Variants in SALL3 observed in about 807,000 individuals in gnomAD.
The protein encoded by SALL3 is sal-like protein 3.
SALL3 carries 25 observed loss-of-function variants against 66.2 expected under a neutral mutation model. That is an observed-to-expected ratio of 0.38 (90% CI 0.28 to 0.53). The LOEUF (loss-of-function observed/expected upper bound fraction) is 0.53, where lower values mean the gene tolerates loss of function less well. SALL3 is among the 20% of genes least tolerant of loss of function. The pLI is 0.85. For synonymous variants in SALL3, 1,152 were observed against 899.1 expected (o/e 1.28, Z -5.03); for missense variants, 2,194 against 1,916.5 (o/e 1.14, Z -2.70).
At chr18:78,991,523 A>G (rs908357160) in intron 1 of SALL3, among the ~76,000 whole-genome samples, 2 of 152,230 alleles carry the variant, frequency 1.3e-5, no homozygotes, top group African/African-American at 4.8e-5. Context: ...GTAAATGCCC[A>G]TTGGCTCAGA....
At position 78,993,553 on chromosome 18, in the gene SALL3, C is replaced by T. The variant is rs775930863; in HGVS notation, c.1562C>T (p.Thr521Ile). The change falls in exon 2 of 3, where the codon ACC becomes ATC. Residue 521 changes from threonine to isoleucine, a missense_variant. Coordinates refer to ENST00000537592, the MANE Select transcript of SALL3 (RefSeq NM_171999.4). Reference protein sequence around the residue: ...TWLDSKPVLPTVPTSVGLQLP... With the variant: ...TWLDSKPVLPIVPTSVGLQLP... ...CTGGACAGCAAGCCCGTGCTGCCCA[C>T]CGTGCCCACGTCCGTGGGGCTGCAA... 2.5e-6 allele frequency: 4 copies of T among 1,592,510 alleles called. No individual in the cohort carries two copies. The South Asian group carries it at 4.5e-5, about 18-fold the overall frequency.
At chr18:78,986,788 A>G (rs1484217295) in intron 1 of SALL3, among the ~76,000 whole-genome samples, 2 of 152,346 alleles carry the variant, frequency 1.3e-5, no homozygotes, top group East Asian at 3.9e-4. Context: ...AGTAAAAAAC[A>G]TGCAGCAAAA....
At position 78,994,575 on chromosome 18, in the gene SALL3, C is replaced by T. The variant is rs762430124; in HGVS notation, c.2584C>T (p.Leu862Phe). The T allele has an allele frequency of 4.3e-6, 7 of 1,611,846 alleles. No homozygotes were observed. In the Middle Eastern group the frequency reaches 4.9e-4, roughly 114 times the overall value. Residue 862 changes from leucine to phenylalanine, a missense_variant, in exon 2 of 3, where the codon CTC becomes TTC. Coordinates refer to ENST00000537592, the MANE Select transcript of SALL3 (RefSeq NM_171999.4). ...CATGAGCTGCCAGCAGCTGACCGGC[C>T]TCAAGTCCGTGGAGAACGGGTCCGG... is the stretch of plus-strand genomic sequence containing the variant. ...SVMSCQQLTGLKSVENGSGES... is the reference protein window; with the variant it reads ...SVMSCQQLTGFKSVENGSGES...
In SALL3 at chr18:78,991,390, G is replaced by GA. The variant is rs1018145388; in HGVS notation, c.83-684_83-683insA. 3.8e-3 allele frequency among the ~76,000 whole-genome samples: 391 copies of GA among 103,470 alleles called. 3 individuals are homozygous for GA. The highest frequency in any genetic ancestry group is 0.013 in the African/African-American group (379 of 29,782). The allele number at this position is 103,470 out of a possible 152,430, so 67.9% of individuals were successfully genotyped here. On this transcript the variant is annotated intron_variant, in intron 1 of 2. Coordinates refer to ENST00000537592, the MANE Select transcript of SALL3 (RefSeq NM_171999.4). ...TGGAAGAAAGTACAAGGGTGGGGGG[G>GA]GGGGAACTGCTCTGTCGCTCTGAGT...
intron 1 of SALL3, among the ~76,000 whole-genome samples, chr18:78,987,560 T>C (rs772636455): frequency 1.3e-5 from 2 of 152,158 alleles, no homozygotes; most frequent in African/African-American, 4.8e-5. Context: ...ACAGCAGATA[T>C]TGGGATCACT....
chr18:78,994,940 C>T lies in SALL3; in HGVS notation c.2949C>T (p.Gly983=), dbSNP rs2146219626. Residue 983 remains glycine (G), a synonymous_variant, in exon 2 of 3, where the codon GGC becomes GGT. Transcript: ENST00000537592. The part of the protein sequence containing the change: ...KCPSTVCGVC[G]KPFACKSALE... Reference sequence around the variant, plus strand: ...CCAGCACTGTGTGTGGTGTCTGTGGCAAGCCTTTTGCTTGCAAGAGCGCGT... The same window carrying T: ...CCAGCACTGTGTGTGGTGTCTGTGGTAAGCCTTTTGCTTGCAAGAGCGCGT... 2.5e-6 allele frequency: 4 copies of T among 1,613,682 alleles called. No individual in the cohort carries two copies. Among genetic ancestry groups the T allele is most frequent in the Non-Finnish European group, 3.4e-6 (4 of 1,179,996 alleles).
intron 1 of SALL3, 104 bp from the exon 2 acceptor site, chr18:78,991,969 TG>T: frequency 1.1e-6 from 1 of 888,592 alleles, no homozygotes. Context: ...AATGTCGAAG[TG>T]GGGTAATTTG....
Position 78,994,548 on chromosome 18 carries a change from G to A in SALL3, c.2557G>A (p.Val853Ile), listed in dbSNP as rs770392208. The A allele has an allele frequency of 6.9e-5, 112 of 1,611,900 alleles. 1 individual carries two copies. In the Middle Eastern group the frequency reaches 3.0e-3, roughly 43 times the overall value. Residue 853 changes from valine (V) to isoleucine (I), a missense_variant, in exon 2 of 3, where the codon GTC becomes ATC. Physicochemically the swap from Val to Ile is conservative, Grantham distance 29 (BLOSUM62 3). Transcript: ENST00000537592. The part of the protein sequence containing the change: ...LENQMKMIDS[V>I]MSCQQLTGLK... The stretch of plus-strand genomic sequence containing the variant: ...GAACCAGATGAAGATGATCGACTCG[G>A]TCATGAGCTGCCAGCAGCTGACCGG...
chr18:78,992,777 C>T lies in SALL3; in HGVS notation c.786C>T (p.Ala262=), dbSNP rs1419390801. Residue 262 remains alanine, a synonymous_variant, in exon 2 of 3, where the codon GCC becomes GCT. Coordinates refer to ENST00000537592, the MANE Select transcript of SALL3 (RefSeq NM_171999.4). ...CCCCCAGCCAGCTGCCCGGGCTGGC[C>T]GCGCTCCCGCTGTCGGCCGGGGCCC... ...GPAPSQLPGL[A]ALPLSAGAPA... The T allele has an allele frequency of 3.9e-6, 4 of 1,015,768 alleles. No homozygotes were observed. The highest frequency in any genetic ancestry group is 4.7e-6 in the Non-Finnish European group (4 of 850,624). The allele number at this position is 1,015,768 out of a possible 1,614,324, so 62.9% of individuals were successfully genotyped here.
rs1280763252 is a variant in SALL3 at position 78,992,383 on chromosome 18, C to T, written c.392C>T (p.Ala131Val). Residue 131 changes from alanine to valine, a missense_variant, in exon 2 of 3, where the codon GCC (alanine) becomes GTC (valine). Coordinates refer to ENST00000537592, the MANE Select transcript of SALL3 (RefSeq NM_171999.4). ...EGEARPVEKE[A>V]EPMDAEPAGD... The stretch of plus-strand genomic sequence containing the variant: ...GAGGCCAGGCCGGTGGAGAAGGAGG[C>T]CGAGCCCATGGACGCGGAACCCGCG... The T allele has an allele frequency of 4.5e-6, 6 of 1,328,464 alleles. No homozygotes were observed. Among genetic ancestry groups the T allele is most frequent in the Non-Finnish European group, 4.8e-6 (5 of 1,045,676 alleles). The allele number at this position is 1,328,464 out of a possible 1,614,324, so 82.3% of individuals were successfully genotyped here.
In SALL3 at chr18:78,992,161, GCGC is replaced by G. The variant is rs763198247; in HGVS notation, c.173_175del (p.Ala58del). 1 of 1,609,144 alleles carries G rather than the reference GCGC, an allele frequency of 6.2e-7. No homozygotes were observed. Among genetic ancestry groups the G allele is most frequent in the Admixed American group, 1.7e-5 (1 of 59,656 alleles). On this transcript the variant is annotated inframe_deletion, in exon 2 of 3. Coordinates refer to ENST00000537592, the MANE Select transcript of SALL3 (RefSeq NM_171999.4). ...GAGACCAGCGTGTGCGAGAAATGCT[GCGC>G]CGAGTTCTTCAAGTGGGCGGACTTC... is the stretch of plus-strand genomic sequence containing the variant.
intron 1 of SALL3, among the ~76,000 whole-genome samples, chr18:78,982,457 T>C (rs977265084): frequency 7.2e-5 from 11 of 152,222 alleles, no homozygotes; most frequent in Admixed American, 1.3e-4. Context: ...GCTCACATGC[T>C]TGTTTGAGAG....
In SALL3 at chr18:78,979,949, G is replaced by A. The variant is rs1192172689; in HGVS notation, c.-326G>A. Among the ~76,000 whole-genome samples, 1 of 144,388 alleles carries A rather than the reference G, an allele frequency of 6.9e-6. No homozygotes were observed. Among genetic ancestry groups the A allele is most frequent in the Non-Finnish European group, 1.5e-5 (1 of 65,130 alleles). The allele number at this position is 144,388 out of a possible 152,430, so 94.7% of individuals were successfully genotyped here. On this transcript the variant is annotated 5_prime_UTR_variant, in exon 1 of 3. Transcript: ENST00000537592. ...GGCGGCCGAGGAGCGCGGCGCCGGA[G>A]CCCGCGATGTGAGGCGGCGCCGGGC...
rs1356369949 is a variant in SALL3 at position 78,994,358 on chromosome 18, C to T, written c.2367C>T (p.Asn789=). The T allele has an allele frequency of 6.2e-7, 1 of 1,613,510 alleles. No individual in the cohort carries two copies. Among genetic ancestry groups the T allele is most frequent in the Non-Finnish European group, 8.5e-7 (1 of 1,180,012 alleles). ...CCGAGCTGGCCTACGACGACAAGAACGCGGAGACCCTGAGCAGCTACGATG... is the reference window on the plus strand; with the variant it reads ...CCGAGCTGGCCTACGACGACAAGAATGCGGAGACCCTGAGCAGCTACGATG... ...MDSELAYDDK[N]AETLSSYDDD... Residue 789 remains asparagine (N), a synonymous_variant, in exon 2 of 3, where the codon AAC becomes AAT. Transcript: ENST00000537592.
intron 1 of SALL3, among the ~76,000 whole-genome samples, chr18:78,988,060 C>T (rs976804063): frequency 5.3e-5 from 8 of 152,148 alleles, no homozygotes; most frequent in Non-Finnish European, 1.2e-4. Flanking sequence ...TACAGTGCCT[C>T]GCTGACATGG....
chr18:78,995,036 C>T lies in SALL3; in HGVS notation c.3045C>T (p.Ser1015=). 6.2e-7 allele frequency: 1 copy of T among 1,613,856 alleles called. No homozygotes were observed. Among genetic ancestry groups the T allele is most frequent in the Non-Finnish European group, 8.5e-7 (1 of 1,180,038 alleles). The change falls in exon 2 of 3, where the codon TCC becomes TCT. Residue 1015 remains serine, a synonymous_variant. Transcript: ENST00000537592. The part of the protein sequence containing the change: ...FVCALCRRGC[S]TMGNLKQHLL... ...GCGCGCTCTGCAGGCGAGGGTGCTC[C>T]ACTATGGGTAATTTAAAACAGCACT...
In SALL3 at chr18:78,998,323, C is replaced by A. The variant is rs1014208881; in HGVS notation, c.*1001C>A. 3.8e-4 allele frequency: 58 copies of A among 152,090 alleles called. No individual in the cohort carries two copies. The highest frequency in any genetic ancestry group is 1.4e-3 in the African/African-American group (57 of 41,414). The allele number at this position is 152,090 out of a possible 1,614,324, so 9.4% of individuals were successfully genotyped here. On this transcript the variant is annotated 3_prime_UTR_variant, in exon 3 of 3. Coordinates refer to ENST00000537592, the MANE Select transcript of SALL3 (RefSeq NM_171999.4). ...AATGTAAAGTATTTTATAAATAGTA[C>A]TTCAGTTTAAGGAAAATGGGAAAAC...
At chr18:78,980,458 G>A (rs1913996379) in intron 1 of SALL3, 102 bp downstream of exon 1, 1 of 669,268 alleles carries the variant, frequency 1.5e-6, no homozygotes, top group Non-Finnish European at 2.0e-6. Context: ...GGGAGCGGGA[G>A]AAAGTTCCCT....
intron 1 of SALL3, among the ~76,000 whole-genome samples, chr18:78,989,961 A>G (rs930878843): frequency 2.0e-5 from 3 of 152,218 alleles, no homozygotes; most frequent in African/African-American, 7.2e-5. Context: ...AAGAAATTTA[A>G]AAGTAGAAAT....
Sources: gnomAD v4.1 joint callset for allele counts (sites outside exome capture counted in the v4.1 genomes callset) on GRCh38, gnomAD v4.1.1 for gene constraint, MANE v1.5 for transcripts, NCBI Gene and HGNC (gene_info 2026-07-23, HGNC 2026-07-21) for gene names.